EPHA5: variants seen among roughly 807,000 people sequenced by gnomAD.
EPHA5 encodes the protein ephrin type-A receptor 5.
In EPHA5, 60 loss-of-function variants were observed where a neutral mutation model predicts 105.0. The ratio of observed to expected loss-of-function variants is 0.57; its 90% CI spans 0.46 to 0.71. EPHA5 has a LOEUF of 0.71. EPHA5 is among the 30% of genes least tolerant of loss of function. The pLI is 0.00. For synonymous variants in EPHA5, 513 were observed against 449.1 expected, an observed-to-expected ratio of 1.14 and a Z score of -1.80; for missense variants, 1,218 against 1,274.7, an observed-to-expected ratio of 0.96 and a Z score of 0.68.
At chr4:65,637,141 G>A (rs1397955511) in intron 2 of EPHA5, among the ~76,000 whole-genome samples, 1 of 151,264 alleles carries the variant, frequency 6.6e-6, no homozygotes, top group Non-Finnish European at 1.5e-5. Context: ...AAATACATAT[G>A]GATGCCAAAA....
intron 3 of EPHA5, among the ~76,000 whole-genome samples, chr4:65,548,600 T>G (rs1425076354): frequency 2.0e-5 from 3 of 152,088 alleles, no homozygotes; most frequent in African/African-American, 7.2e-5. Context: ...CAGTAAAATA[T>G]AAAGCAATAC....
chr4:65,597,099 T>C (rs1479563642), intron 3 of EPHA5, among the ~76,000 whole-genome samples: 1 of 152,188 alleles, frequency 6.6e-6, no homozygotes, highest in Non-Finnish European at 1.5e-5. Context: ...AATTAATAAG[T>C]ACTTTTTCTC....
intron 3 of EPHA5, among the ~76,000 whole-genome samples, chr4:65,505,849 AT>A (rs1732958747): frequency 6.6e-6 from 1 of 151,832 alleles, no homozygotes; most frequent in African/African-American, 2.4e-5. Flanking sequence ...CCTTTTATTT[AT>A]TTATTTTCTT....
At chr4:65,564,697 C>T (rs760828150) in intron 3 of EPHA5, among the ~76,000 whole-genome samples, 15 of 151,512 alleles carry the variant, frequency 9.9e-5, no homozygotes, top group African/African-American at 2.9e-4. Context: ...AACTTCCCAA[C>T]GTTACAAGGG....
intron 3 of EPHA5, among the ~76,000 whole-genome samples, chr4:65,530,272 G>C (rs1235486188): frequency 1.3e-5 from 2 of 152,086 alleles, no homozygotes; most frequent in Admixed American, 6.5e-5. Flanking sequence ...GATTACCAGA[G>C]CATAGATTTA....
intron 2 of EPHA5, among the ~76,000 whole-genome samples, chr4:65,607,267 G>A (rs1476050267): frequency 1.3e-5 from 2 of 151,832 alleles, no homozygotes; most frequent in South Asian, 4.2e-4. Flanking sequence ...ACATAGGCAT[G>A]GGCAAATAAT....
intron 8 of EPHA5, among the ~76,000 whole-genome samples, chr4:65,393,339 C>T (rs1356792467): frequency 6.6e-6 from 1 of 152,156 alleles, no homozygotes; most frequent in Non-Finnish European, 1.5e-5. Context: ...GATTGACTTA[C>T]TCTGTGGAGC....
At chr4:65,437,700 C>G (rs1725609132) in intron 5 of EPHA5, among the ~76,000 whole-genome samples, 1 of 151,866 alleles carries the variant, frequency 6.6e-6, no homozygotes, top group Non-Finnish European at 1.5e-5. Flanking sequence ...TAGAGCACAA[C>G]TTAAGTTCTG....
At chr4:65,339,996 T>C (rs1318454630) in intron 14 of EPHA5, among the ~76,000 whole-genome samples, 1 of 152,198 alleles carries the variant, frequency 6.6e-6, no homozygotes, top group African/African-American at 2.4e-5. Flanking sequence ...TCAAGAACTT[T>C]TGTACTTCAT....
At chr4:65,340,741 A>G (rs1404260470) in intron 14 of EPHA5, among the ~76,000 whole-genome samples, 1 of 152,186 alleles carries the variant, frequency 6.6e-6, no homozygotes, top group Non-Finnish European at 1.5e-5. Context: ...TATGCGAAGT[A>G]AGTGTGTCAT....
chr4:65,476,186 C>T (rs1163648665), intron 5 of EPHA5, among the ~76,000 whole-genome samples: 1 of 149,502 alleles, frequency 6.7e-6, no homozygotes, highest in Non-Finnish European at 1.5e-5. Flanking sequence ...TTGGCCCCTA[C>T]ATTGTATATA....
intron 16 of EPHA5, chr4:65,330,834 G>C: frequency 2.9e-6 from 3 of 1,032,214 alleles, no homozygotes; most frequent in South Asian, 9.2e-5. Flanking sequence ...TGATCTGGTG[G>C]ACCGTGAGAA....
Position 65,322,715 on chromosome 4 carries a change from A to G in EPHA5, c.*1399T>C. 1 of 226,172 alleles carries G rather than the reference A, an allele frequency of 4.4e-6. No homozygotes were observed. The highest frequency in any genetic ancestry group is 8.8e-6 in the Non-Finnish European group (1 of 113,552). The allele number at this position is 226,172 out of a possible 1,614,324, so 14.0% of individuals were successfully genotyped here. Reference sequence around the variant, plus strand: ...GATTGGTTCAATAAAATAAACTCAAAGCCATGTAACTGAATACAAACTGAA... The same window carrying G: ...GATTGGTTCAATAAAATAAACTCAAGGCCATGTAACTGAATACAAACTGAA... On this transcript the variant is annotated 3_prime_UTR_variant, in exon 17 of 17. Coordinates refer to ENST00000613740, the MANE Select transcript of EPHA5 (RefSeq NM_001281766.3).
At chr4:65,349,545 T>G (rs1460477267) in intron 13 of EPHA5, among the ~76,000 whole-genome samples, 1 of 152,122 alleles carries the variant, frequency 6.6e-6, no homozygotes, top group Non-Finnish European at 1.5e-5. Context: ...CTTCCCATTT[T>G]GCAGGAAGGG....
Position 65,420,539 on chromosome 4 carries a change from T to C in EPHA5, c.1429A>G (p.Lys477Glu). ...AAPSPVTNVK[K>E]GKIAKNSISL... ...ATGCTGTTTTTTGCAATTTTCCCTTTTTTCACATTGGTGACTGGAGATGGA... is the reference window on the plus strand; with the variant it reads ...ATGCTGTTTTTTGCAATTTTCCCTTCTTTCACATTGGTGACTGGAGATGGA... Residue 477 changes from lysine (K) to glutamate (E), a missense_variant, in exon 6 of 17, where the codon AAA becomes GAA. Lys to Glu is a moderately conservative substitution (Grantham distance 56). This residue lies in a region of EPHA5 where 971 missense variants were observed against 1,013.5 expected (regional missense o/e 0.96). Coordinates refer to ENST00000613740, the MANE Select transcript of EPHA5 (RefSeq NM_001281766.3). 1 of 1,613,250 alleles carries C rather than the reference T, an allele frequency of 6.2e-7. No individual in the cohort carries two copies. Among genetic ancestry groups the C allele is most frequent in the Non-Finnish European group, 8.5e-7 (1 of 1,179,554 alleles).
At chr4:65,502,807 C>T (rs189320850) in intron 3 of EPHA5, among the ~76,000 whole-genome samples, 2 of 151,598 alleles carry the variant, frequency 1.3e-5, no homozygotes, top group African/African-American at 2.4e-5. Flanking sequence ...ATGATCAGTG[C>T]AGTACTAATC....
chr4:65,555,486 C>A (rs1291353315), intron 3 of EPHA5, among the ~76,000 whole-genome samples: 1 of 151,338 alleles, frequency 6.6e-6, no homozygotes, highest in Non-Finnish European at 1.5e-5. Flanking sequence ...AGCTGTACTG[C>A]AAACACCCAT....
At chr4:65,503,403 A>C (rs550886906) in intron 3 of EPHA5, among the ~76,000 whole-genome samples, 119 of 151,928 alleles carry the variant, frequency 7.8e-4, no homozygotes, top group African/African-American at 2.7e-3. Context: ...GAATAATATC[A>C]AACAGAAACA....
chr4:65,582,615 G>A lies in EPHA5; in HGVS notation c.910+19026C>T, dbSNP rs367678464. ...ATAACTCTTCTCCAGATGAGTGAAG[G>A]TTACAGATGTCTATGAAAATAACTT... is the stretch of plus-strand genomic sequence containing the variant. On this transcript the variant is annotated intron_variant, in intron 3 of 16. Transcript: ENST00000613740. Among the ~76,000 whole-genome samples, 3 of 151,746 alleles carry A rather than the reference G, an allele frequency of 2.0e-5. No homozygotes were observed. The South Asian group carries it at 6.2e-4, about 31-fold the overall frequency.
Sources: allele counts gnomAD v4.1 joint callset (sites outside exome capture counted in the v4.1 genomes callset), GRCh38; gene constraint gnomAD v4.1.1; regional missense constraint gnomAD v4.1.1; transcripts MANE v1.5; gene names NCBI Gene and HGNC (gene_info 2026-07-23, HGNC 2026-07-21).